CLDN14: variants seen among roughly 807,000 people sequenced by gnomAD.
The protein encoded by CLDN14 is claudin-14.
Under a neutral mutation model 2.1 loss-of-function variants are expected in CLDN14, and 2 were observed. The ratio of observed to expected loss-of-function variants is 0.96; its 90% CI spans 0.39 to 3.01. The LOEUF is 3.01. Ranked by LOEUF, CLDN14 falls within the 30% of genes most tolerant of loss-of-function variation. The probability of loss-of-function intolerance (pLI) is 0.09; values close to 1 mark genes in which losing one functional copy is unlikely to be tolerated. For synonymous variants in CLDN14, 136 were observed against 154.4 expected, an observed-to-expected ratio of 0.88 and a Z score of 0.88; for missense variants, 298 against 328.0, an observed-to-expected ratio of 0.91 and a Z score of 0.71.
At chr21:36,486,482 C>G in intron 2 of CLDN14, 1 of 1,554,626 alleles carries the variant, frequency 6.4e-7, no homozygotes, top group Non-Finnish European at 8.9e-7. Context: ...GGGATCTACT[C>G]CAAATTCAAA....
chr21:36,497,765 T>C (rs776261973), intron 2 of CLDN14, among the ~76,000 whole-genome samples: 6 of 152,122 alleles, frequency 3.9e-5, no homozygotes, highest in Admixed American at 3.9e-4. Context: ...TTGAGACACC[T>C]GCGTGATCCA....
At chr21:36,527,452 C>G (rs533670580) in intron 1 of CLDN14, among the ~76,000 whole-genome samples, 2 of 152,290 alleles carry the variant, frequency 1.3e-5, no homozygotes, top group African/African-American at 4.8e-5. Context: ...CCTGGAGAAG[C>G]AAAACAGCTT....
At chr21:36,529,289 C>T (rs1377122876) in intron 1 of CLDN14, among the ~76,000 whole-genome samples, 1 of 151,922 alleles carries the variant, frequency 6.6e-6, no homozygotes, top group Non-Finnish European at 1.5e-5. Flanking sequence ...AAAAAAACCA[C>T]ATCTTTTTTT....
At chr21:36,501,250 G>A (rs982665153) in intron 2 of CLDN14, among the ~76,000 whole-genome samples, 1 of 144,648 alleles carries the variant, frequency 6.9e-6, no homozygotes, top group African/African-American at 2.5e-5. Context: ...AACATGAAGA[G>A]CAAAGAAAAC....
intron 1 of CLDN14, among the ~76,000 whole-genome samples, chr21:36,549,153 T>C (rs1263909113): frequency 6.6e-6 from 1 of 152,146 alleles, no homozygotes; most frequent in Non-Finnish European, 1.5e-5. Context: ...GTGTTTTTTT[T>C]TTTTTTTAAC....
At chr21:36,525,351 T>G (rs2087315601) in intron 1 of CLDN14, among the ~76,000 whole-genome samples, 1 of 148,510 alleles carries the variant, frequency 6.7e-6, no homozygotes, top group Non-Finnish European at 1.5e-5. Flanking sequence ...TCTTGAAGGA[T>G]GAAGAGGATG....
intron 1 of CLDN14, among the ~76,000 whole-genome samples, chr21:36,539,356 TGA>T (rs1301270816): frequency 4.7e-4 from 67 of 142,014 alleles, no homozygotes; most frequent in East Asian, 1.7e-3. Flanking sequence ...GTGTGTGGAG[TGA>T]GTGTATGTGC....
At chr21:36,502,315 T>A (rs1310453685) in intron 2 of CLDN14, among the ~76,000 whole-genome samples, 1 of 152,218 alleles carries the variant, frequency 6.6e-6, no homozygotes, top group Non-Finnish European at 1.5e-5. Context: ...CTGGCTCCCA[T>A]GAAATACTAT....
At chr21:36,467,775 C>A (rs1394539231) in intron 1 of CLDN14, among the ~76,000 whole-genome samples, 1 of 152,156 alleles carries the variant, frequency 6.6e-6, no homozygotes, top group Non-Finnish European at 1.5e-5. Context: ...CAAAATCAGC[C>A]CCTGTGATGA....
At chr21:36,480,966 G>C (rs1159618684), upstream of CLDN14, 1 of 152,230 alleles carries the variant, frequency 6.6e-6, no homozygotes, top group Non-Finnish European at 1.5e-5. Context: ...AGCACATCCA[G>C]TAGTGTCAGG....
chr21:36,506,059 CATAA>C (rs1006521183), intron 2 of CLDN14, among the ~76,000 whole-genome samples: 7 of 152,156 alleles, frequency 4.6e-5, no homozygotes, highest in Non-Finnish European at 5.9e-5. Context: ...TAAGCAAAGA[CATAA>C]ATAATACAGG....
At chr21:36,509,826 C>T (rs2087169429) in intron 2 of CLDN14, among the ~76,000 whole-genome samples, 1 of 152,134 alleles carries the variant, frequency 6.6e-6, no homozygotes, top group South Asian at 2.1e-4. Context: ...GAACTCCTGA[C>T]CTCGTAATCC....
chr21:36,498,806 C>G lies in CLDN14; in HGVS notation c.-82+11557G>C, dbSNP rs538872894. Among the ~76,000 whole-genome samples the G allele has an allele frequency of 1.3e-5, 2 of 152,186 alleles. No homozygotes were observed. Among genetic ancestry groups the G allele is most frequent in the East Asian group, 3.9e-4 (2 of 5,192 alleles). On this transcript the variant is annotated intron_variant, in intron 2 of 2. Transcript: ENST00000342108. This position sits in a 1 kb window ranked among gnomAD's most constrained non-coding sequence, Gnocchi z 4.9. ...CCCACTGGCTGCGTCTGCCTGGACA[C>G]CATCAGCCCTGCACGAAGGTGGCCG...
chr21:36,572,727 C>T (rs1203425389), intron 1 of CLDN14, among the ~76,000 whole-genome samples: 1 of 152,118 alleles, frequency 6.6e-6, no homozygotes, highest in Non-Finnish European at 1.5e-5. Flanking sequence ...TGATTTAAAC[C>T]TTGACTCTAC....
intron 1 of CLDN14, among the ~76,000 whole-genome samples, chr21:36,515,789 C>CTCTTTTTTTTTTTT (rs777338181): frequency 2.6e-5 from 3 of 115,314 alleles, no homozygotes; most frequent in African/African-American, 3.5e-5. Context: ...TTTATCTTCT[C>CTCTTTTTTTTTTTT]TTTTTTTTTT....
intron 1 of CLDN14, among the ~76,000 whole-genome samples, chr21:36,576,232 T>C (rs58974660): frequency 0.012 from 1,861 of 152,288 alleles, 38 homozygotes; most frequent in African/African-American, 0.043. Flanking sequence ...TTACAACACA[T>C]AGAAGTTTCT....
intron 1 of CLDN14, among the ~76,000 whole-genome samples, chr21:36,465,049 G>A (rs1351679100): frequency 6.6e-6 from 1 of 152,132 alleles, no homozygotes; most frequent in East Asian, 1.9e-4. Context: ...CTGAGGGGTT[G>A]CCCAGGACAG....
chr21:36,494,837 G>A (rs181086068), intron 2 of CLDN14, among the ~76,000 whole-genome samples: 1 of 152,340 alleles, frequency 6.6e-6, no homozygotes, highest in Admixed American at 6.5e-5. Flanking sequence ...CGCCCTGTCT[G>A]TGGAGCTTTG....
In CLDN14 at chr21:36,541,863, T is replaced by C. The variant is rs1452587673; in HGVS notation, c.-219-31363A>G. Reference sequence around the variant, plus strand: ...TACCCACTGACTTAATTACAGTTTCTTTTGTCTTAGAATGTAAATTTCTTT... The same window carrying C: ...TACCCACTGACTTAATTACAGTTTCCTTTGTCTTAGAATGTAAATTTCTTT... On this transcript the variant is annotated intron_variant, in intron 1 of 2. Coordinates refer to the CLDN14 transcript ENST00000342108. 4.3e-5 allele frequency among the ~76,000 whole-genome samples: 6 copies of C among 138,694 alleles called. No homozygotes were observed. In the East Asian group the frequency reaches 8.4e-4, roughly 19 times the overall value. The allele number at this position is 138,694 out of a possible 152,430, so 91.0% of individuals were successfully genotyped here. A position where few individuals can be genotyped will look rare whatever the true frequency, so the allele number is the denominator to read the frequency against.
Sources: allele counts gnomAD v4.1 joint callset (sites outside exome capture counted in the v4.1 genomes callset), GRCh38; gene constraint gnomAD v4.1.1; non-coding constraint Gnocchi (gnomAD v3.1); transcripts MANE v1.5; gene names NCBI Gene and HGNC (gene_info 2026-07-23, HGNC 2026-07-21).